Variants in HS6ST3 observed in about 807,000 individuals in gnomAD.
HS6ST3 encodes the protein heparan sulfate 6-O-sulfotransferase 3.
In HS6ST3, 12 loss-of-function variants were observed where a neutral mutation model predicts 36.7. The ratio of observed to expected loss-of-function variants is 0.33; its 90% CI spans 0.21 to 0.53. The LOEUF is 0.53. Among genes scored for constraint, HS6ST3 ranks in the 20% least tolerant of loss-of-function variants. The pLI is 0.95. For synonymous variants in HS6ST3, 240 were observed against 257.5 expected (o/e 0.93, Z 0.65); for missense variants, 584 against 640.9 (o/e 0.91, Z 0.96).
intron 1 of HS6ST3, chr13:96,573,745 C>G (rs569712419): frequency 3.1e-6 from 1 of 327,108 alleles, no homozygotes; most frequent in South Asian, 2.6e-5. Flanking sequence ...ACAGCCGTCC[C>G]CAGCCCTAGG....
At chr13:96,110,017 G>A (rs2053860530) in intron 1 of HS6ST3, among the ~76,000 whole-genome samples, 1 of 152,228 alleles carries the variant, frequency 6.6e-6, no homozygotes, top group Non-Finnish European at 1.5e-5. Flanking sequence ...GCAGAGCATA[G>A]CCAGAGTGGG....
In HS6ST3 at chr13:96,113,318, T is replaced by A. The variant is rs775761674; in HGVS notation, c.707+21749T>A. 4.6e-5 allele frequency among the ~76,000 whole-genome samples: 7 copies of A among 152,266 alleles called. No homozygotes were observed. The South Asian group carries it at 1.5e-3, about 32-fold the overall frequency. ...AGGCCAGGTATCTCTGAGCAGGAGC[T>A]CAGTGACTTGTTTTCTAGAAGTTTG... On this transcript the variant is annotated intron_variant, in intron 1 of 1. Coordinates refer to ENST00000376705, the MANE Select transcript of HS6ST3 (RefSeq NM_153456.4).
At chr13:96,241,770 ATTTTCTT>A (rs2054561331) in intron 1 of HS6ST3, among the ~76,000 whole-genome samples, 5 of 147,816 alleles carry the variant, frequency 3.4e-5, no homozygotes, top group African/African-American at 1.0e-4. Flanking sequence ...ATGATGTAAT[ATTTTCTT>A]TTTTCTTTCT....
At chr13:96,457,058 T>A (rs1020065034) in intron 1 of HS6ST3, among the ~76,000 whole-genome samples, 23 of 152,138 alleles carry the variant, frequency 1.5e-4, no homozygotes, top group African/African-American at 5.5e-4. Context: ...AAAATATTGA[T>A]CTATATGACT....
At chr13:96,725,245 G>GT (rs1369028897) in intron 1 of HS6ST3, among the ~76,000 whole-genome samples, 4 of 152,080 alleles carry the variant, frequency 2.6e-5, no homozygotes, top group African/African-American at 4.8e-5. Context: ...AGTTTTGAGA[G>GT]TTTTTTACAT....
chr13:96,181,058 GTTAT>G (rs1308609460), intron 1 of HS6ST3, among the ~76,000 whole-genome samples: 1 of 152,094 alleles, frequency 6.6e-6, no homozygotes, highest in African/African-American at 2.4e-5. Context: ...ACATGCATTG[GTTAT>G]TTAGTGAACA....
intron 1 of HS6ST3, among the ~76,000 whole-genome samples, chr13:96,499,493 T>G (rs966800378): frequency 6.6e-6 from 1 of 151,926 alleles, no homozygotes; most frequent in Non-Finnish European, 1.5e-5. Flanking sequence ...AGTTATTAAG[T>G]GAGTTTAAAG....
intron 1 of HS6ST3, among the ~76,000 whole-genome samples, chr13:96,376,681 A>G (rs1415229587): frequency 4.6e-5 from 7 of 152,184 alleles, no homozygotes; most frequent in Admixed American, 1.3e-4. Flanking sequence ...CTTCTCATCT[A>G]TAAAATGGGA....
At chr13:96,594,984 G>A (rs1011096904) in intron 1 of HS6ST3, among the ~76,000 whole-genome samples, 3 of 152,124 alleles carry the variant, frequency 2.0e-5, no homozygotes, top group African/African-American at 7.2e-5. Context: ...GAGCCTTATG[G>A]CTACAGAATA....
intron 1 of HS6ST3, among the ~76,000 whole-genome samples, chr13:96,696,140 G>A (rs1875120792): frequency 6.6e-6 from 1 of 152,092 alleles, no homozygotes; most frequent in Non-Finnish European, 1.5e-5. Context: ...TTGACCGTGG[G>A]GCTGGCTAGA....
intron 1 of HS6ST3, among the ~76,000 whole-genome samples, chr13:96,622,235 T>C (rs2056497806): frequency 6.6e-6 from 1 of 152,208 alleles, no homozygotes; most frequent in Admixed American, 6.5e-5. Context: ...AACAAAGTTT[T>C]TGATAGGTTA....
chr13:96,529,327 A>G (rs1489896339), intron 1 of HS6ST3, among the ~76,000 whole-genome samples: 1 of 152,160 alleles, frequency 6.6e-6, no homozygotes, highest in Non-Finnish European at 1.5e-5. Context: ...GGCTATATGG[A>G]GGCCAGTTAG....
intron 1 of HS6ST3, among the ~76,000 whole-genome samples, chr13:96,227,069 C>T (rs531467723): frequency 6.6e-6 from 1 of 152,082 alleles, no homozygotes; most frequent in Non-Finnish European, 1.5e-5. Context: ...GTATTTTTGG[C>T]CAATCTCTTG....
chr13:96,172,199 C>T (rs1594703326), intron 1 of HS6ST3, among the ~76,000 whole-genome samples: 1 of 152,330 alleles, frequency 6.6e-6, no homozygotes, highest in Non-Finnish European at 1.5e-5. Context: ...CGCCCTCAAC[C>T]TCATTTTTCA....
chr13:96,246,498 T>C (rs1344124735), intron 1 of HS6ST3, among the ~76,000 whole-genome samples: 2 of 152,220 alleles, frequency 1.3e-5, no homozygotes, highest in Admixed American at 6.5e-5. Context: ...GAATCAGGGC[T>C]TACTGAAGTT....
At chr13:96,105,367 T>C (rs1344438609) in intron 1 of HS6ST3, among the ~76,000 whole-genome samples, 4 of 152,152 alleles carry the variant, frequency 2.6e-5, no homozygotes, top group Non-Finnish European at 5.9e-5. Context: ...AGTAATATTA[T>C]AGGCCAGGCA....
intron 1 of HS6ST3, among the ~76,000 whole-genome samples, chr13:96,303,808 A>G (rs955897754): frequency 6.6e-6 from 1 of 152,154 alleles, no homozygotes; most frequent in Non-Finnish European, 1.5e-5. Flanking sequence ...AATCGAATTC[A>G]CCTAAGATTT....
chr13:96,342,637 C>T (rs1282588128), intron 1 of HS6ST3, among the ~76,000 whole-genome samples: 2 of 152,196 alleles, frequency 1.3e-5, no homozygotes, highest in Non-Finnish European at 2.9e-5. Flanking sequence ...TCTGTCTTTA[C>T]TCAACCCAGA....
At chr13:96,337,012 C>T (rs1482556488) in intron 1 of HS6ST3, among the ~76,000 whole-genome samples, 1 of 152,128 alleles carries the variant, frequency 6.6e-6, no homozygotes, top group Non-Finnish European at 1.5e-5. Context: ...CATAAGTATA[C>T]ATCTCTTTTC....
Sources: gnomAD v4.1 joint callset for allele counts (sites outside exome capture counted in the v4.1 genomes callset) on GRCh38, gnomAD v4.1.1 for gene constraint, MANE v1.5 for transcripts, NCBI Gene and HGNC (gene_info 2026-07-23, HGNC 2026-07-21) for gene names.